The following PLAC8 variants were observed in gnomAD, a reference collection of about 807,000 sequenced individuals.
PLAC8 encodes the protein placenta-specific gene 8 protein.
Under a neutral mutation model 12.6 loss-of-function variants are expected in PLAC8, and 6 were observed. That is an observed-to-expected ratio of 0.48 (90% CI 0.26 to 0.94). The LOEUF (loss-of-function observed/expected upper bound fraction) is 0.94. PLAC8 is among the 40% of genes least tolerant of loss of function. PLAC8 has a pLI of 0.14. For missense variants in PLAC8, 122 were observed against 152.7 expected, an observed-to-expected ratio of 0.80 and a Z score of 1.06; for synonymous variants, 54 against 52.6, an observed-to-expected ratio of 1.03 and a Z score of -0.11.
chr4:83,102,674 TA>T (rs1232748014), intron 3 of PLAC8, among the ~76,000 whole-genome samples: 1 of 152,214 alleles, frequency 6.6e-6, no homozygotes, highest in African/African-American at 2.4e-5. Context: ...AGAAAGTAAC[TA>T]CAGATGTGGT....
At chr4:83,101,295 G>T (rs766063553) in intron 3 of PLAC8, among the ~76,000 whole-genome samples, 1 of 152,186 alleles carries the variant, frequency 6.6e-6, no homozygotes, top group African/African-American at 2.4e-5. Flanking sequence ...CAGGAGAATC[G>T]CTTGAACCCG....
intron 4 of PLAC8, chr4:83,093,922 G>C (rs150483803): frequency 2.0e-5 from 3 of 151,944 alleles, no homozygotes; most frequent in African/African-American, 7.3e-5. Context: ...ATTTTTTTAC[G>C]TATCTCCCAA....
chr4:83,096,968 G>A (rs887123032), intron 3 of PLAC8, among the ~76,000 whole-genome samples: 2 of 152,214 alleles, frequency 1.3e-5, no homozygotes, highest in Non-Finnish European at 2.9e-5. Flanking sequence ...TGCACAGTCA[G>A]TAAAAGCACT....
chr4:83,111,299 C>A (rs1378027158), intron 1 of PLAC8, among the ~76,000 whole-genome samples: 1 of 151,888 alleles, frequency 6.6e-6, no homozygotes, highest in Non-Finnish European at 1.5e-5. Context: ...GCATTTATTT[C>A]TTTTATAAGC....
chr4:83,100,797 T>C (rs1732080570), intron 3 of PLAC8, among the ~76,000 whole-genome samples: 1 of 152,154 alleles, frequency 6.6e-6, no homozygotes, highest in South Asian at 2.1e-4. Flanking sequence ...TAATTAAGCT[T>C]AGTGAGAAAA....
chr4:83,099,943 T>C (rs780904167), intron 3 of PLAC8, among the ~76,000 whole-genome samples: 14 of 150,368 alleles, frequency 9.3e-5, no homozygotes, highest in Non-Finnish European at 2.1e-4. Context: ...GAGGCAGAGG[T>C]TGCAGTGAGA....
At chr4:83,099,841 CAA>C (rs57432177) in intron 3 of PLAC8, among the ~76,000 whole-genome samples, 1 of 132,590 alleles carries the variant, frequency 7.5e-6, no homozygotes, top group Non-Finnish European at 1.6e-5. Flanking sequence ...ACTAAAAATA[CAA>C]AAAAAAAAAA....
intron 3 of PLAC8, among the ~76,000 whole-genome samples, chr4:83,100,951 C>T (rs1386381371): frequency 1.3e-5 from 2 of 152,126 alleles, no homozygotes; most frequent in Admixed American, 1.3e-4. Context: ...GCAAAACAAC[C>T]TTATTGCTAA....
intron 3 of PLAC8, among the ~76,000 whole-genome samples, chr4:83,095,596 C>T (rs1371753336): frequency 6.6e-6 from 1 of 152,090 alleles, no homozygotes; most frequent in Non-Finnish European, 1.5e-5. Flanking sequence ...GGAGAGGGCA[C>T]ATGTGTGTAG....
At chr4:83,101,117 T>C (rs59773404) in intron 3 of PLAC8, among the ~76,000 whole-genome samples, 1,669 of 152,222 alleles carry the variant, frequency 0.011, 39 homozygotes, top group African/African-American at 0.039. Context: ...TGGTGGCTCA[T>C]GCCTATAATC....
chr4:83,108,825 A>C (rs1172756862), intron 1 of PLAC8, among the ~76,000 whole-genome samples: 1 of 152,300 alleles, frequency 6.6e-6, no homozygotes, highest in Admixed American at 6.5e-5. Context: ...TTTTGTGTAT[A>C]TCCCCCCTTC....
intron 1 of PLAC8, among the ~76,000 whole-genome samples, chr4:83,112,204 G>GTATATATATATATGTATATA (rs1560458369): frequency 4.7e-5 from 6 of 128,688 alleles, no homozygotes; most frequent in African/African-American, 1.9e-4. Context: ...ATATATATAT[G>GTATATATATATATGTATATA]TATATATATA....
At position 83,101,730 on chromosome 4, in the gene PLAC8, G is replaced by A. The variant is rs184443047; in HGVS notation, c.243+3166C>T. Among the ~76,000 whole-genome samples the A allele has an allele frequency of 2.6e-5, 4 of 152,316 alleles. No individual in the cohort carries two copies. In the East Asian group the frequency reaches 7.7e-4, roughly 29 times the overall value. Reference sequence around the variant, plus strand: ...CTTGTTAGGAGATAATGCAACTGGTGACTTTAAGTTGAAGCCAATGCTCAT... The same window carrying A: ...CTTGTTAGGAGATAATGCAACTGGTAACTTTAAGTTGAAGCCAATGCTCAT... On this transcript the variant is annotated intron_variant, in intron 3 of 4. Coordinates refer to ENST00000311507, the MANE Select transcript of PLAC8 (RefSeq NM_016619.3).
chr4:83,107,735 G>A, intron 2 of PLAC8, 69 bp downstream of exon 2: 1 of 794,188 alleles, frequency 1.3e-6, no homozygotes, highest in Non-Finnish European at 2.0e-6. Context: ...GGGAGGAATG[G>A]GGGAAGGATT....
intron 2 of PLAC8, among the ~76,000 whole-genome samples, chr4:83,106,888 C>A (rs1167761370): frequency 6.6e-6 from 1 of 152,126 alleles, no homozygotes; most frequent in African/African-American, 2.4e-5. Flanking sequence ...AGTAAGAGAT[C>A]TTTTAAGGAG....
In PLAC8 at chr4:83,107,794, A is replaced by T; in HGVS notation, c.118+10T>A. The T allele has an allele frequency of 6.4e-7, 1 of 1,561,628 alleles. No homozygotes were observed. ...TATCAAATAAGGGGGTTCTTTCCCC[A>T]CACACTTACAGACTCCGCAGTCGCT... On this transcript the variant is annotated intron_variant, in intron 2 of 4. Coordinates refer to ENST00000311507, the MANE Select transcript of PLAC8 (RefSeq NM_016619.3).
chr4:83,111,958 T>G (rs898578313), intron 1 of PLAC8, among the ~76,000 whole-genome samples: 21 of 152,166 alleles, frequency 1.4e-4, no homozygotes, highest in African/African-American at 4.8e-4. Context: ...TTTGGGAGGC[T>G]GAGGTCGGGA....
intron 3 of PLAC8, among the ~76,000 whole-genome samples, chr4:83,095,702 A>G (rs145790550): frequency 9.2e-5 from 14 of 152,326 alleles, no homozygotes; most frequent in Non-Finnish European, 1.6e-4. Context: ...GTAGCAATAC[A>G]AGTGTGTGAT....
At chr4:83,103,782 C>T (rs1732170968) in intron 3 of PLAC8, among the ~76,000 whole-genome samples, 1 of 152,138 alleles carries the variant, frequency 6.6e-6, no homozygotes, top group African/African-American at 2.4e-5. Flanking sequence ...AATTCTCCTG[C>T]CTCAGCCTCC....
Sources: allele counts gnomAD v4.1 joint callset (sites outside exome capture counted in the v4.1 genomes callset), GRCh38; gene constraint gnomAD v4.1.1; transcripts MANE v1.5; gene names NCBI Gene and HGNC (gene_info 2026-07-23, HGNC 2026-07-21).